The following PMPCB variants were observed in gnomAD, a reference collection of about 807,000 sequenced individuals.
The protein encoded by PMPCB is mitochondrial-processing peptidase subunit beta.
Under a neutral mutation model 61.5 loss-of-function variants are expected in PMPCB, and 46 were observed. That is an observed-to-expected ratio of 0.75 (90% CI 0.59 to 0.96). PMPCB has a LOEUF of 0.96. PMPCB is among the 40% of genes least tolerant of loss of function. PMPCB has a pLI of 0.00. For missense variants in PMPCB, 590 were observed against 602.4 expected (o/e 0.98, Z 0.22); for synonymous variants, 191 against 201.6 (o/e 0.95, Z 0.44).
chr7:103,323,552 G>C (rs1174837858), intron 12 of PMPCB: 1 of 1,408,734 alleles, frequency 7.1e-7, no homozygotes, highest in South Asian at 1.4e-5. Flanking sequence ...ACAAATACCA[G>C]AGAACCAAAT....
At chr7:103,339,281 T>A in the PMPCB span, among the ~76,000 whole-genome samples, 1 of 152,226 alleles carries the variant, frequency 6.6e-6, no homozygotes, top group Non-Finnish European at 1.5e-5. Flanking sequence ...CCATATTTGA[T>A]GAATGAAAAT....
At chr7:103,303,485 C>T (rs1197787672) in intron 4 of PMPCB, among the ~76,000 whole-genome samples, 1 of 152,118 alleles carries the variant, frequency 6.6e-6, no homozygotes, top group Non-Finnish European at 1.5e-5. Flanking sequence ...TGATACAAAC[C>T]CTCTGTACAT....
At chr7:103,306,026 A>G (rs940567017) in intron 6 of PMPCB, among the ~76,000 whole-genome samples, 12 of 152,232 alleles carry the variant, frequency 7.9e-5, no homozygotes, top group Admixed American at 2.0e-4. Flanking sequence ...TAGATTAATT[A>G]GTATTCATTT....
At chr7:103,311,523 A>G in intron 9 of PMPCB, 120 bp from the exon 10 acceptor site, 1 of 682,634 alleles carries the variant, frequency 1.5e-6, no homozygotes, top group Non-Finnish European at 2.5e-6. Flanking sequence ...TTTGCTTAGC[A>G]TTGGAATTAA....
chr7:103,316,118 ATAGT>A (rs1026177927), downstream of PMPCB: 1 of 1,373,192 alleles, frequency 7.3e-7, no homozygotes, highest in Non-Finnish European at 1.0e-6. Flanking sequence ...AATAATATGA[ATAGT>A]AGTAAGGAAA....
At chr7:103,343,616 G>A in the PMPCB span, among the ~76,000 whole-genome samples, 1 of 152,182 alleles carries the variant, frequency 6.6e-6, no homozygotes, top group African/African-American at 2.4e-5. Context: ...TTACAAACTT[G>A]TAGTAAAGGT....
chr7:103,325,093 T>C (rs1172784483), intron 12 of PMPCB, among the ~76,000 whole-genome samples: 2 of 152,236 alleles, frequency 1.3e-5, no homozygotes, highest in African/African-American at 4.8e-5. Flanking sequence ...TTTTCTACTC[T>C]GTGAAATCAT....
chr7:103,300,998 T>C (rs757021967), intron 4 of PMPCB, among the ~76,000 whole-genome samples: 1 of 152,246 alleles, frequency 6.6e-6, no homozygotes, highest in Non-Finnish European at 1.5e-5. Flanking sequence ...GTGAAATTTT[T>C]AACCTTTAAG....
chr7:103,323,477 T>G (rs1818532171), intron 12 of PMPCB: 8 of 1,039,578 alleles, frequency 7.7e-6, no homozygotes, highest in Non-Finnish European at 1.1e-5. Context: ...ATTAAAAAAT[T>G]GTTTAAAAAA....
At chr7:103,310,217 C>A (rs554448254) in intron 8 of PMPCB, 98 bp from the exon 9 acceptor site, 12 of 846,866 alleles carry the variant, frequency 1.4e-5, no homozygotes, top group Non-Finnish European at 2.3e-5. Context: ...AGGAAACAGC[C>A]TCTAAGGATA....
Position 103,314,575 on chromosome 7 carries a change from A to T in PMPCB, c.*2304A>T. On this transcript the variant is annotated 3_prime_UTR_variant, in exon 13 of 13. Coordinates refer to ENST00000249269, the MANE Select transcript of PMPCB (RefSeq NM_004279.3). Reference sequence around the variant, plus strand: ...TGCTAATACCTGTTGTATTTTGTGGAGATAAAGGTGCAGGAGAATAAACTC... The same window carrying T: ...TGCTAATACCTGTTGTATTTTGTGGTGATAAAGGTGCAGGAGAATAAACTC... 2.0e-6 allele frequency: 2 copies of T among 985,286 alleles called. No individual in the cohort carries two copies. Among genetic ancestry groups the T allele is most frequent in the Non-Finnish European group, 2.4e-6 (2 of 829,828 alleles). The allele number at this position is 985,286 out of a possible 1,614,324, so 61.0% of individuals were successfully genotyped here. A position where few individuals can be genotyped will look rare whatever the true frequency, so the allele number is the denominator to read the frequency against.
chr7:103,328,074 C>A (rs1818801407), intron 12 of PMPCB, among the ~76,000 whole-genome samples: 1 of 151,996 alleles, frequency 6.6e-6, no homozygotes, highest in African/African-American at 2.4e-5. Flanking sequence ...GTGCCCGCCA[C>A]CATGCCCAGC....
chr7:103,319,347 G>T (rs1450060758), downstream of PMPCB, among the ~76,000 whole-genome samples: 1 of 152,120 alleles, frequency 6.6e-6, no homozygotes, highest in African/African-American at 2.4e-5. Context: ...TGAGGCAGGA[G>T]AATCACTTGA....
chr7:103,330,387 A>G (rs2115977477), downstream of PMPCB, among the ~76,000 whole-genome samples: 1 of 152,194 alleles, frequency 6.6e-6, no homozygotes, highest in East Asian at 1.9e-4. Flanking sequence ...TCCCCGGCTC[A>G]GGTGATCCTC....
In PMPCB at chr7:103,313,505, G is replaced by A. The variant is rs972331121; in HGVS notation, c.*1234G>A. On this transcript the variant is annotated 3_prime_UTR_variant, in exon 13 of 13. Coordinates refer to ENST00000249269, the MANE Select transcript of PMPCB (RefSeq NM_004279.3). ...ACTTCCTTACAGAATAGGTAAAAGA[G>A]CTTCCTCACAGTTAAACTTTTGCTG... 2 of 984,830 alleles carry A rather than the reference G, an allele frequency of 2.0e-6. No individual in the cohort carries two copies. The highest frequency in any genetic ancestry group is 3.5e-5 in the African/African-American group (2 of 57,194). The allele number at this position is 984,830 out of a possible 1,614,324, so 61.0% of individuals were successfully genotyped here. A position where few individuals can be genotyped will look rare whatever the true frequency, so the allele number is the denominator to read the frequency against.
the PMPCB span, among the ~76,000 whole-genome samples, chr7:103,341,169 T>C: frequency 1.4e-3 from 219 of 152,336 alleles, no homozygotes; most frequent in Non-Finnish European, 2.3e-3. Context: ...GCACTAGCCC[T>C]ATAACAGTAA....
chr7:103,313,169 C>T lies in PMPCB; in HGVS notation c.*898C>T, dbSNP rs1186380553. On this transcript the variant is annotated 3_prime_UTR_variant, in exon 13 of 13. Transcript: ENST00000249269. ...GTTCTCAGACAAGTCTTGTGGTCCA[C>T]AAGTATTCGCTAAGTGCCCATTTCA... 9.2e-6 allele frequency: 14 copies of T among 1,514,910 alleles called. No homozygotes were observed. Among genetic ancestry groups the T allele is most frequent in the Middle Eastern group, 1.9e-4 (1 of 5,166 alleles). The allele number at this position is 1,514,910 out of a possible 1,614,324, so 93.8% of individuals were successfully genotyped here. A position where few individuals can be genotyped will look rare whatever the true frequency, so the allele number is the denominator to read the frequency against.
rs1817916553 is a variant in PMPCB at position 103,314,183 on chromosome 7, C to T, written c.*1912C>T. On this transcript the variant is annotated 3_prime_UTR_variant, in exon 13 of 13. Coordinates refer to ENST00000249269, the MANE Select transcript of PMPCB (RefSeq NM_004279.3). ...TGAATTTCCTTGTATTGGTTTAAAG[C>T]CCTAAATACCATAGATTTTATTTCC... The T allele has an allele frequency of 2.0e-6, 2 of 985,258 alleles. No homozygotes were observed. The highest frequency in any genetic ancestry group is 4.7e-5 in the South Asian group (1 of 21,272). The allele number at this position is 985,258 out of a possible 1,614,324, so 61.0% of individuals were successfully genotyped here. A position where few individuals can be genotyped will look rare whatever the true frequency, so the allele number is the denominator to read the frequency against.
chr7:103,307,652 T>C lies in PMPCB; in HGVS notation c.793T>C (p.Cys265Arg), dbSNP rs1344341762. Reference sequence around the variant, plus strand: ...AAAGTTTCATTTCGGTGACTCTTTATGCACACACAAAGGAGAAATACCAGC... The same window carrying C: ...AAAGTTTCATTTCGGTGACTCTTTACGCACACACAAAGGAGAAATACCAGC... ...LAKFHFGDSL[C>R]THKGEIPALP... The change falls in exon 7 of 13, where the codon TGC becomes CGC. Residue 265 changes from cysteine (C) to arginine (R), a missense_variant. Transcript: ENST00000249269. 9 of 1,613,878 alleles carry C rather than the reference T, an allele frequency of 5.6e-6. No homozygotes were observed. Among genetic ancestry groups the C allele is most frequent in the Middle Eastern group, 1.7e-4 (1 of 6,060 alleles).
Sources: allele counts gnomAD v4.1 joint callset (sites outside exome capture counted in the v4.1 genomes callset), GRCh38; gene constraint gnomAD v4.1.1; transcripts MANE v1.5; gene names NCBI Gene and HGNC (gene_info 2026-07-23, HGNC 2026-07-21).